The following TMEM131 variants were observed in gnomAD, a reference collection of about 807,000 sequenced individuals.
TMEM131 encodes transmembrane protein 131, also known as 2610524E03Rik.
TMEM131 carries 66 observed loss-of-function variants against 211.6 expected under a neutral mutation model. The ratio of observed to expected loss-of-function variants is 0.31; its 90% CI spans 0.26 to 0.38. TMEM131 has a LOEUF of 0.38. Among genes scored for constraint, TMEM131 ranks in the 10% least tolerant of loss-of-function variants. The probability of loss-of-function intolerance (pLI) is 1.00; values close to 1 mark genes in which losing one functional copy is unlikely to be tolerated. For missense variants in TMEM131, 2,036 were observed against 2,299.3 expected (o/e 0.89, Z 2.34); for synonymous variants, 844 against 841.3 (o/e 1.00, Z -0.06).
At chr2:97,899,639 G>A (rs924618181) in intron 3 of TMEM131, among the ~76,000 whole-genome samples, 1 of 152,098 alleles carries the variant, frequency 6.6e-6, no homozygotes, top group African/African-American at 2.4e-5. Flanking sequence ...GGGAATGCAA[G>A]GTGGCACAGA....
chr2:97,907,364 A>G (rs1676118275), intron 3 of TMEM131: 1 of 152,246 alleles, frequency 6.6e-6, no homozygotes, highest in African/African-American at 2.4e-5. Context: ...AGTGAATACT[A>G]AAGAATTTTC....
At chr2:97,865,041 G>C (rs927337047) in intron 4 of TMEM131, among the ~76,000 whole-genome samples, 3 of 152,228 alleles carry the variant, frequency 2.0e-5, no homozygotes, top group African/African-American at 4.8e-5. Flanking sequence ...TGTCAGTTAA[G>C]AGTGGTGACA....
At chr2:97,885,442 C>CCTCGGA (rs901616925) in intron 4 of TMEM131, among the ~76,000 whole-genome samples, 58 of 151,782 alleles carry the variant, frequency 3.8e-4, no homozygotes, top group Non-Finnish European at 5.4e-4. Flanking sequence ...GATCCGCCCG[C>CCTCGGA]CTCCCAAAGT....
chr2:97,758,257 A>G (rs1001964706), intron 40 of TMEM131, among the ~76,000 whole-genome samples: 14 of 152,228 alleles, frequency 9.2e-5, no homozygotes, highest in Non-Finnish European at 8.8e-5. Context: ...AATATCTGTT[A>G]TAAAACCTTG....
chr2:97,951,981 AC>A (rs1678340929), intron 1 of TMEM131, among the ~76,000 whole-genome samples: 2 of 151,950 alleles, frequency 1.3e-5, no homozygotes, highest in South Asian at 4.2e-4. Context: ...ACATGGTGAA[AC>A]CCCATCTCTA....
At chr2:97,759,957 A>G (rs900824100) in intron 38 of TMEM131, 6 of 539,384 alleles carry the variant, frequency 1.1e-5, no homozygotes, top group African/African-American at 9.4e-5. Flanking sequence ...ATGCCCTATC[A>G]CTAGCTCACA....
At chr2:97,761,965 T>C in intron 36 of TMEM131, 70 bp downstream of exon 36, 1 of 1,450,470 alleles carries the variant, frequency 6.9e-7, no homozygotes, top group African/African-American at 1.4e-5. Context: ...AGTGTTTCCA[T>C]TTAAAGGGTG....
chr2:97,981,835 C>T (rs557945027), intron 1 of TMEM131, among the ~76,000 whole-genome samples: 171 of 152,282 alleles, frequency 1.1e-3, no homozygotes, highest in African/African-American at 3.9e-3. Context: ...GCTTTGTTCA[C>T]TTATCACAAT....
At chr2:97,771,476 T>C (rs1679459685) in intron 33 of TMEM131, among the ~76,000 whole-genome samples, 1 of 152,190 alleles carries the variant, frequency 6.6e-6, no homozygotes, top group Non-Finnish European at 1.5e-5. Context: ...ACACTTATGA[T>C]GACAGACAAG....
intron 3 of TMEM131, among the ~76,000 whole-genome samples, chr2:97,897,357 C>T (rs1327546578): frequency 6.6e-6 from 1 of 152,042 alleles, no homozygotes; most frequent in African/African-American, 2.4e-5. Flanking sequence ...CTTTCCCAAT[C>T]TTAGAAAGAA....
Position 97,815,321 on chromosome 2 carries a change from TA to T in TMEM131, c.1184-15del. ...TTGCCTTCGATGCTGAAAGGAAGCA[TA>T]AAAAATAATCTCTGTTACCTTTTAC... On this transcript the variant is annotated splice_polypyrimidine_tract_variant and intron_variant, in intron 12 of 40. Transcript: ENST00000186436. The T allele has an allele frequency of 6.7e-7, 1 of 1,489,786 alleles. No homozygotes were observed. The highest frequency in any genetic ancestry group is 2.5e-5 in the East Asian group (1 of 40,760). The allele number at this position is 1,489,786 out of a possible 1,614,324, so 92.3% of individuals were successfully genotyped here. A position where few individuals can be genotyped will look rare whatever the true frequency, so the allele number is the denominator to read the frequency against.
At chr2:97,772,722 C>G (rs192051732) in intron 32 of TMEM131, among the ~76,000 whole-genome samples, 1 of 152,006 alleles carries the variant, frequency 6.6e-6, no homozygotes, top group South Asian at 2.1e-4. Context: ...ATGGTAAAAC[C>G]CTGTCTCTAC....
Position 97,756,955 on chromosome 2 carries a change from G to C in TMEM131, c.*144C>G. 1 of 922,662 alleles carries C rather than the reference G, an allele frequency of 1.1e-6. No homozygotes were observed. The highest frequency in any genetic ancestry group is 1.6e-6 in the Non-Finnish European group (1 of 638,286). The allele number at this position is 922,662 out of a possible 1,614,324, so 57.2% of individuals were successfully genotyped here. A position where few individuals can be genotyped will look rare whatever the true frequency, so the allele number is the denominator to read the frequency against. On this transcript the variant is annotated 3_prime_UTR_variant, in exon 41 of 41. Transcript: ENST00000186436. ...AAGATCTGAAAGAAGCGAGTGGTCT[G>C]AGCCTGCCCTGCTTGGGTCTGTTTT...
At chr2:97,770,638 A>T (rs1679424500) in intron 33 of TMEM131, among the ~76,000 whole-genome samples, 1 of 152,212 alleles carries the variant, frequency 6.6e-6, no homozygotes, top group Admixed American at 6.5e-5. Flanking sequence ...TTGTAAAAAA[A>T]ATCAGAATAC....
At chr2:97,788,968 T>C (rs1460855893) in intron 31 of TMEM131, among the ~76,000 whole-genome samples, 1 of 152,232 alleles carries the variant, frequency 6.6e-6, no homozygotes, top group Non-Finnish European at 1.5e-5. Flanking sequence ...GCATACTTTT[T>C]TCTTGTTAAA....
intron 1 of TMEM131, among the ~76,000 whole-genome samples, chr2:97,992,026 G>T (rs1416374781): frequency 2.6e-5 from 4 of 152,172 alleles, no homozygotes. Context: ...ACAGCCTTTA[G>T]TAAAAGCAGG....
In TMEM131 at chr2:97,866,805, GA is replaced by G. The variant is rs1674289780; in HGVS notation, c.360-7379del. ...TTTTGATTTCCAATTTATTTCAGTA[GA>G]AAATTAAGACAGAGAACATACTTTG... On this transcript the variant is annotated intron_variant, in intron 4 of 40. Coordinates refer to ENST00000186436, the MANE Select transcript of TMEM131 (RefSeq NM_015348.2). Among the ~76,000 whole-genome samples, 3 of 152,268 alleles carry G rather than the reference GA, an allele frequency of 2.0e-5. No homozygotes were observed. In the South Asian group the frequency reaches 6.2e-4, roughly 32 times the overall value.
In TMEM131 at chr2:97,756,957, GCCTGC is replaced by G; in HGVS notation, c.*137_*141del. The G allele has an allele frequency of 7.4e-6, 7 of 942,550 alleles. No individual in the cohort carries two copies. Among genetic ancestry groups the G allele is most frequent in the Non-Finnish European group, 1.1e-5 (7 of 655,812 alleles). The allele number at this position is 942,550 out of a possible 1,614,324, so 58.4% of individuals were successfully genotyped here. A position where few individuals can be genotyped will look rare whatever the true frequency, so the allele number is the denominator to read the frequency against. ...GATCTGAAAGAAGCGAGTGGTCTGA[GCCTGC>G]CCTGCTTGGGTCTGTTTTGCAAAGA... On this transcript the variant is annotated 3_prime_UTR_variant, in exon 41 of 41. Transcript: ENST00000186436.
intron 1 of TMEM131, among the ~76,000 whole-genome samples, chr2:97,971,127 A>C (rs1679277341): frequency 6.6e-6 from 1 of 152,220 alleles, no homozygotes; most frequent in Non-Finnish European, 1.5e-5. Context: ...AAAAGTGCTA[A>C]CTTCAGCTCA....
Sources: allele counts gnomAD v4.1 joint callset (sites outside exome capture counted in the v4.1 genomes callset), GRCh38; gene constraint gnomAD v4.1.1; transcripts MANE v1.5; gene names NCBI Gene and HGNC (gene_info 2026-07-23, HGNC 2026-07-21).